The following PLRG1 variants were observed in gnomAD, a reference collection of about 807,000 sequenced individuals.
The protein encoded by PLRG1 is pleiotropic regulator 1 (PRL1 homolog, Arabidopsis).
In PLRG1, 28 loss-of-function variants were observed where a neutral mutation model predicts 74.9. That is an observed-to-expected ratio of 0.37 (90% CI 0.28 to 0.51). The LOEUF (loss-of-function observed/expected upper bound fraction) is 0.51, where lower values mean the gene tolerates loss of function less well. PLRG1 is among the 20% of genes least tolerant of loss of function. The pLI is 0.91. For missense variants in PLRG1, 445 were observed against 631.9 expected (o/e 0.70, Z 3.17); for synonymous variants, 197 against 212.4 (o/e 0.93, Z 0.63).
chr4:154,539,155 T>C lies in PLRG1; in HGVS notation c.1101A>G (p.Thr367=). Residue 367 remains threonine (T), a synonymous_variant, in exon 12 of 15, where the codon ACA becomes ACG. Coordinates refer to ENST00000499023, the MANE Select transcript of PLRG1 (RefSeq NM_002669.4). ...WDLVAGKTRV[T]LTNHKKSVRA... is the part of the protein sequence containing the mutation. The stretch of plus-strand genomic sequence containing the variant: ...TAACTGATTTTTTGTGATTTGTTAA[T>C]GTCACTCTTGTTTTTCCAGCCACCA... 1 of 1,612,628 alleles carries C rather than the reference T, an allele frequency of 6.2e-7. No homozygotes were observed. Among genetic ancestry groups the C allele is most frequent in the East Asian group, 2.2e-5 (1 of 44,848 alleles).
chr4:154,547,772 TTTAAGA>T lies in PLRG1; in HGVS notation c.192_197del (p.Asn64_Leu65del). ...CCGTTGCATTCTGAGGACCCTTCTCTTTAAGATTTTCTTTTGAAGTAGGCATATGCA... is the reference window on the plus strand; with the variant it reads ...CCGTTGCATTCTGAGGACCCTTCTCTTTTTCTTTTGAAGTAGGCATATGCA... On this transcript the variant is annotated inframe_deletion, in exon 3 of 15. Coordinates refer to ENST00000499023, the MANE Select transcript of PLRG1 (RefSeq NM_002669.4). The T allele has an allele frequency of 1.2e-6, 2 of 1,613,116 alleles. No homozygotes were observed. The highest frequency in any genetic ancestry group is 1.7e-6 in the Non-Finnish European group (2 of 1,179,108).
chr4:154,549,809 A>G (rs1191993328), intron 1 of PLRG1: 3 of 456,906 alleles, frequency 6.6e-6, no homozygotes, highest in Non-Finnish European at 1.3e-5. Flanking sequence ...TGGAATCAAT[A>G]AACATGTGGG....
At chr4:154,539,890 A>G in intron 11 of PLRG1, 61 bp downstream of exon 11, 1 of 825,596 alleles carries the variant, frequency 1.2e-6, no homozygotes, top group Non-Finnish European at 2.2e-6. Context: ...TTAAAAGTAT[A>G]TGTATAATAA....
At position 154,540,834 on chromosome 4, in the gene PLRG1, GA is replaced by G; in HGVS notation, c.787del (p.Ser263LeufsTer8). 1 of 1,613,670 alleles carries G rather than the reference GA, an allele frequency of 6.2e-7. No individual in the cohort carries two copies. The highest frequency in any genetic ancestry group is 8.5e-7 in the Non-Finnish European group (1 of 1,179,678). ...TTTCACTTGTTTGTCTTCTCCACAA[GA>G]GAACAGATATGGGCTCCTTGTGCTT... ...IVSTRSPYLF[S>X]CGEDKQVKCW... On this transcript the variant is annotated frameshift_variant, in exon 9 of 15. Coordinates refer to ENST00000499023, the MANE Select transcript of PLRG1 (RefSeq NM_002669.4). LOFTEE classifies it high-confidence loss of function.
intron 11 of PLRG1, 27 bp downstream of exon 11, chr4:154,539,924 T>C (rs777829346): frequency 2.9e-6 from 3 of 1,049,358 alleles, no homozygotes; most frequent in Non-Finnish European, 4.5e-6. Context: ...ATGAATATTC[T>C]GTAAACTTGA....
chr4:154,536,803 G>T, intron 14 of PLRG1, 59 bp from the exon 15 acceptor site: 4 of 868,666 alleles, frequency 4.6e-6, no homozygotes, highest in Non-Finnish European at 5.6e-6. Flanking sequence ...TGTCTAATAG[G>T]CTTCCTTTCT....
chr4:154,538,720 A>G (rs1729500775), intron 12 of PLRG1, among the ~76,000 whole-genome samples: 1 of 152,082 alleles, frequency 6.6e-6, no homozygotes. Flanking sequence ...GGTTCTTATT[A>G]TTTCTGTTTC....
chr4:154,540,051 A>C lies in PLRG1; in HGVS notation c.942T>G (p.Ile314Met). The C allele has an allele frequency of 6.8e-7, 1 of 1,473,424 alleles. No individual in the cohort carries two copies. 91.3% of individuals were successfully genotyped at this position (1,473,424 alleles called of 1,614,324 possible). A position where few individuals can be genotyped will look rare whatever the true frequency, so the allele number is the denominator to read the frequency against. The change falls in exon 11 of 15, where the codon ATT becomes ATG. Residue 314 changes from isoleucine to methionine, a missense_variant and splice_region_variant. Physicochemically the swap from Ile to Met is conservative, Grantham distance 10 (BLOSUM62 1). Coordinates refer to ENST00000499023, the MANE Select transcript of PLRG1 (RefSeq NM_002669.4). ...CACTGGCTTTAGTTCTCACATCCCA[A>C]ATCTATAAAAACACAATAGACATAT... ...VTCSRDSTAR[I>M]WDVRTKASVH...
chr4:154,539,089 A>G lies in PLRG1; in HGVS notation c.1151+16T>C, dbSNP rs1170998280. ...ACTGAAGAAAAACAAGAAGCTAATT[A>G]GGAAAATACACTTACTGTCTTGGAT... is the stretch of plus-strand genomic sequence containing the variant. On this transcript the variant is annotated intron_variant, in intron 12 of 14. Transcript: ENST00000499023. 7.3e-7 allele frequency: 1 copy of G among 1,376,450 alleles called. No individual in the cohort carries two copies. Among genetic ancestry groups the G allele is most frequent in the South Asian group, 1.2e-5 (1 of 86,320 alleles). The allele number at this position is 1,376,450 out of a possible 1,614,324, so 85.3% of individuals were successfully genotyped here.
At chr4:154,544,794 G>C (rs1035779452) in intron 6 of PLRG1, among the ~76,000 whole-genome samples, 2 of 152,140 alleles carry the variant, frequency 1.3e-5, no homozygotes, top group Non-Finnish European at 2.9e-5. Flanking sequence ...CTAGCTGTTT[G>C]ACATTAGGTA....
At chr4:154,547,546 C>T (rs1729680354) in intron 3 of PLRG1, 165 bp downstream of exon 3, 1 of 641,894 alleles carries the variant, frequency 1.6e-6, no homozygotes, top group South Asian at 1.9e-5. Flanking sequence ...AAGTCATCAA[C>T]AGTATTCCCA....
At chr4:154,542,423 T>C (rs1729571282) in intron 7 of PLRG1, 144 bp from the exon 8 acceptor site, 2 of 614,074 alleles carry the variant, frequency 3.3e-6, no homozygotes, top group African/African-American at 1.8e-5. Flanking sequence ...TATGAAATTA[T>C]CTTCAGTGAG....
At chr4:154,549,648 G>A in intron 1 of PLRG1, 1 of 456,112 alleles carries the variant, frequency 2.2e-6, no homozygotes, top group Non-Finnish European at 4.4e-6. Flanking sequence ...AAACAAGAAA[G>A]GTATGAACAA....
intron 10 of PLRG1, 98 bp downstream of exon 10, chr4:154,540,496 T>C: frequency 1.2e-6 from 1 of 814,586 alleles, no homozygotes. Context: ...ACAGCTATCT[T>C]TAATTCTCTA....
chr4:154,540,288 GT>G, intron 10 of PLRG1: 1 of 582,302 alleles, frequency 1.7e-6, no homozygotes. Context: ...CTAAGAATGA[GT>G]ATGATGGGAC....
At chr4:154,538,967 C>T in intron 12 of PLRG1, 138 bp downstream of exon 12, 1 of 593,434 alleles carries the variant, frequency 1.7e-6, no homozygotes. Context: ...ATAAAAGAAA[C>T]ACACGTTCCT....
intron 10 of PLRG1, 54 bp from the exon 11 acceptor site, chr4:154,540,107 A>G: frequency 1.1e-6 from 1 of 939,880 alleles, no homozygotes; most frequent in Non-Finnish European, 1.8e-6. Context: ...CATTATCTCA[A>G]GAAGATAACT....
chr4:154,546,538 A>G, intron 4 of PLRG1: 1 of 316,008 alleles, frequency 3.2e-6, no homozygotes, highest in Admixed American at 4.7e-5. Flanking sequence ...GAATGTTTCC[A>G]AGAGTGGATG....
chr4:154,549,124 T>A, intron 1 of PLRG1, 189 bp from the exon 2 acceptor site: 1 of 585,522 alleles, frequency 1.7e-6, no homozygotes. Context: ...GGCTAGAACC[T>A]CAGGTTTAGC....
Sources: gnomAD v4.1 joint callset for allele counts (sites outside exome capture counted in the v4.1 genomes callset) on GRCh38, gnomAD v4.1.1 for gene constraint, MANE v1.5 for transcripts, NCBI Gene and HGNC (gene_info 2026-07-23, HGNC 2026-07-21) for gene names.